The following RBM34 variants were observed in gnomAD, a reference collection of about 807,000 sequenced individuals.
The protein encoded by RBM34 is RNA binding motif protein 34.
In RBM34, 39 loss-of-function variants were observed where a neutral mutation model predicts 44.6. The observed-to-expected ratio is 0.87, with a 90% confidence interval of 0.68 to 1.14. RBM34 has a LOEUF of 1.14. Ranked by LOEUF, RBM34 falls within the 50% of genes most tolerant of loss-of-function variation. The pLI is 0.00. For synonymous variants in RBM34, 194 were observed against 184.0 expected (o/e 1.05, Z -0.44); for missense variants, 572 against 517.9 (o/e 1.10, Z -1.01).
intron 10 of RBM34, among the ~76,000 whole-genome samples, chr1:235,134,555 T>C (rs1221131031): frequency 2.6e-5 from 4 of 152,202 alleles, no homozygotes; most frequent in Non-Finnish European, 4.4e-5. Context: ...AGAATAAAAC[T>C]TTCTTATACC....
Position 235,160,986 on chromosome 1 carries a change from G to C in RBM34, c.135C>G (p.Gly45=), listed in dbSNP as rs1409459421. The change falls in exon 2 of 11, where the codon GGC becomes GGG. Residue 45 remains glycine, a synonymous_variant. Transcript: ENST00000408888. ...LGQVASSLFR[G]EHHSRGGTGR... is the part of the protein sequence containing the mutation. Reference sequence around the variant, plus strand: ...CGGTGCCACCTCTGGAATGGTGTTCGCCGCGAAATAAGCTACTGGCGACCT... The same window carrying C: ...CGGTGCCACCTCTGGAATGGTGTTCCCCGCGAAATAAGCTACTGGCGACCT... 6.2e-7 allele frequency: 1 copy of C among 1,614,160 alleles called. No individual in the cohort carries two copies. Among genetic ancestry groups the C allele is most frequent in the Admixed American group, 1.7e-5 (1 of 60,006 alleles).
intron 5 of RBM34, chr1:235,152,500 A>C (rs1662208022): frequency 7.7e-7 from 1 of 1,292,228 alleles, no homozygotes; most frequent in Non-Finnish European, 9.9e-7. Flanking sequence ...CAAGAGTATC[A>C]TTTTATTAAG....
At chr1:235,155,260 A>C (rs1365319130) in intron 3 of RBM34, 148 bp from the exon 4 acceptor site, 3 of 679,502 alleles carry the variant, frequency 4.4e-6, no homozygotes, top group Non-Finnish European at 7.5e-6. Context: ...ATATATCAAA[A>C]TTTTTAGAGC....
chr1:235,155,842 T>TATATAC (rs1662401762), intron 3 of RBM34, among the ~76,000 whole-genome samples: 1 of 26,300 alleles, frequency 3.8e-5, no homozygotes, highest in South Asian at 3.1e-3. Flanking sequence ...TATATATATA[T>TATATAC]ATATATATAT....
chr1:235,135,286 T>C (rs1430300188), intron 10 of RBM34, among the ~76,000 whole-genome samples: 10 of 150,782 alleles, frequency 6.6e-5, no homozygotes, highest in Non-Finnish European at 1.0e-4. Flanking sequence ...TGGAGTGCAG[T>C]GGCACGATCT....
At chr1:235,138,469 A>C (rs1661529314) in intron 6 of RBM34, among the ~76,000 whole-genome samples, 1 of 152,242 alleles carries the variant, frequency 6.6e-6, no homozygotes. Context: ...CTAAAAACTG[A>C]CATCTTAGCT....
At chr1:235,154,734 G>A (rs1662319724) in intron 4 of RBM34, 147 bp downstream of exon 4, 10 of 684,194 alleles carry the variant, frequency 1.5e-5, no homozygotes, top group Middle Eastern at 4.0e-4. Context: ...AAAAGGAGGG[G>A]GTGGATACTG....
intron 5 of RBM34, 24 bp downstream of exon 5, chr1:235,152,682 A>G: frequency 6.3e-7 from 1 of 1,595,182 alleles, no homozygotes; most frequent in Non-Finnish European, 8.5e-7. Flanking sequence ...ATATTATGTA[A>G]TTTTACGGGG....
At chr1:235,159,747 A>G (rs964308146) in intron 3 of RBM34, among the ~76,000 whole-genome samples, 3 of 150,282 alleles carry the variant, frequency 2.0e-5, no homozygotes, top group Non-Finnish European at 3.0e-5. Flanking sequence ...GGCACCTGTA[A>G]TCTCAGCTCC....
chr1:235,131,644 T>C lies in RBM34; in HGVS notation c.*69A>G. On this transcript the variant is annotated 3_prime_UTR_variant, in exon 11 of 11. Transcript: ENST00000408888. The stretch of plus-strand genomic sequence containing the variant: ...AACTCAACACATGAATAGCAGACGA[T>C]GCTATCAGCAGATAATAGCACTTTT... The C allele has an allele frequency of 6.7e-7, 1 of 1,489,634 alleles. No individual in the cohort carries two copies. The highest frequency in any genetic ancestry group is 9.0e-7 in the Non-Finnish European group (1 of 1,108,508). 92.3% of individuals were successfully genotyped at this position (1,489,634 alleles called of 1,614,324 possible).
chr1:235,136,190 T>A, intron 8 of RBM34, 117 bp from the exon 9 acceptor site: 2 of 784,018 alleles, frequency 2.6e-6, no homozygotes, highest in Non-Finnish European at 2.1e-6. Context: ...TCTTCTAATT[T>A]AACCACACAT....
At chr1:235,133,665 C>T (rs1014517912) in intron 10 of RBM34, among the ~76,000 whole-genome samples, 6 of 152,070 alleles carry the variant, frequency 3.9e-5, no homozygotes, top group Non-Finnish European at 8.8e-5. Context: ...TCAGAGGATT[C>T]AATCAACTGC....
At chr1:235,141,881 T>G (rs1334919169) in intron 6 of RBM34, among the ~76,000 whole-genome samples, 1 of 152,012 alleles carries the variant, frequency 6.6e-6, no homozygotes, top group African/African-American at 2.4e-5. Context: ...AGGAACAGAC[T>G]CCCGACGCAC....
intron 3 of RBM34, 156 bp downstream of exon 3, chr1:235,160,355 T>C: frequency 1.0e-6 from 1 of 982,314 alleles, no homozygotes; most frequent in Non-Finnish European, 1.6e-6. Context: ...ACGGGGTTTC[T>C]TAGCCTTTTC....
chr1:235,155,473 C>G (rs1572167257), intron 3 of RBM34, among the ~76,000 whole-genome samples: 1 of 148,912 alleles, frequency 6.7e-6, no homozygotes, highest in African/African-American at 2.5e-5. Context: ...TCCCAAGTAA[C>G]TGGGACCACA....
chr1:235,160,279 G>T (rs1056096780), intron 3 of RBM34: 18 of 666,464 alleles, frequency 2.7e-5, no homozygotes, highest in African/African-American at 2.7e-4. Flanking sequence ...ATAATGAGGG[G>T]GTATATGAGT....
At chr1:235,146,780 C>A (rs967756321) in intron 6 of RBM34, among the ~76,000 whole-genome samples, 10 of 152,118 alleles carry the variant, frequency 6.6e-5, no homozygotes, top group African/African-American at 2.4e-4. Flanking sequence ...GCCACCACAC[C>A]CTGCTAATTT....
chr1:235,139,705 GCAT>G (rs1057353453), intron 6 of RBM34, among the ~76,000 whole-genome samples: 3 of 152,180 alleles, frequency 2.0e-5, no homozygotes, highest in Admixed American at 6.5e-5. Flanking sequence ...ATAACCCACA[GCAT>G]CATAACTTTT....
intron 10 of RBM34, among the ~76,000 whole-genome samples, chr1:235,132,263 T>G (rs1572138243): frequency 6.6e-6 from 1 of 152,130 alleles, no homozygotes; most frequent in Non-Finnish European, 1.5e-5. Context: ...TTTTTCATTG[T>G]AAAATGAGGT....
Sources: allele counts gnomAD v4.1 joint callset (sites outside exome capture counted in the v4.1 genomes callset), GRCh38; gene constraint gnomAD v4.1.1; transcripts MANE v1.5; gene names NCBI Gene and HGNC (gene_info 2026-07-23, HGNC 2026-07-21).